FBXL17: variants seen among roughly 807,000 people sequenced by gnomAD.
FBXL17 encodes the protein F-box and leucine rich repeat protein 17, also known as F-box/LRR-repeat protein 17.
A neutral mutation model predicts 66.2 loss-of-function variants in FBXL17; 22 were observed. That is an observed-to-expected ratio of 0.33 (90% CI 0.24 to 0.47). The LOEUF is 0.47. FBXL17 is among the 20% of genes least tolerant of loss of function. FBXL17 has a pLI of 1.00. For synonymous variants in FBXL17, 474 were observed against 400.5 expected, an observed-to-expected ratio of 1.18 and a Z score of -2.19; for missense variants, 878 against 948.2, an observed-to-expected ratio of 0.93 and a Z score of 0.97.
chr5:108,339,083 T>A (rs1746707240), intron 4 of FBXL17, among the ~76,000 whole-genome samples: 1 of 152,128 alleles, frequency 6.6e-6, no homozygotes, highest in Non-Finnish European at 1.5e-5. Context: ...GAAGCCAGAT[T>A]CAACTACAGT....
At chr5:108,036,109 T>C (rs573688821) in intron 6 of FBXL17, among the ~76,000 whole-genome samples, 5 of 152,194 alleles carry the variant, frequency 3.3e-5, no homozygotes, top group Non-Finnish European at 7.3e-5. Context: ...CCAGTCTATT[T>C]TCCTGTTTTA....
At chr5:108,052,112 C>CAAAAAAAAAAAAAAAAAAAA (rs144705189) in intron 6 of FBXL17, among the ~76,000 whole-genome samples, 6 of 102,190 alleles carry the variant, frequency 5.9e-5, no homozygotes, top group South Asian at 3.7e-4. Context: ...GACTTCGTCT[C>CAAAAAAAAAAAAAAAAAAAA]AAAAAAAAAA....
chr5:108,008,750 A>G (rs1276046242), intron 7 of FBXL17, among the ~76,000 whole-genome samples: 3 of 152,116 alleles, frequency 2.0e-5, no homozygotes, highest in African/African-American at 7.2e-5. Context: ...CCTGCTCCTC[A>G]GAACACCAGA....
intron 6 of FBXL17, among the ~76,000 whole-genome samples, chr5:108,064,243 A>T (rs1395015071): frequency 6.6e-6 from 1 of 150,528 alleles, no homozygotes; most frequent in African/African-American, 2.5e-5. Context: ...GTTATTCTGC[A>T]TAAAGATAAT....
At chr5:108,344,134 T>C (rs958976189) in intron 4 of FBXL17, among the ~76,000 whole-genome samples, 5 of 151,964 alleles carry the variant, frequency 3.3e-5, no homozygotes, top group Non-Finnish European at 7.4e-5. Context: ...AACTCAAAAA[T>C]GGCGTTTGCC....
At chr5:108,211,063 A>G (rs1192733839) in intron 5 of FBXL17, among the ~76,000 whole-genome samples, 1 of 152,162 alleles carries the variant, frequency 6.6e-6, no homozygotes, top group Non-Finnish European at 1.5e-5. Flanking sequence ...ACCATTATGC[A>G]ATGCCCTTCT....
intron 4 of FBXL17, among the ~76,000 whole-genome samples, chr5:108,329,945 T>C (rs560301394): frequency 6.6e-6 from 1 of 152,208 alleles, no homozygotes; most frequent in East Asian, 1.9e-4. Context: ...TCCTATTAGT[T>C]AAAAGTTACT....
intron 4 of FBXL17, chr5:108,298,410 A>G (rs1399625852): frequency 1.0e-6 from 1 of 978,982 alleles, no homozygotes; most frequent in Non-Finnish European, 1.2e-6. Context: ...CAATAAATCA[A>G]GACAATCATA....
intron 4 of FBXL17, among the ~76,000 whole-genome samples, chr5:108,338,467 G>A (rs905392805): frequency 1.3e-5 from 2 of 151,986 alleles, no homozygotes; most frequent in Non-Finnish European, 2.9e-5. Flanking sequence ...ATCAAAAATA[G>A]CCAATAAAGA....
intron 4 of FBXL17, among the ~76,000 whole-genome samples, chr5:108,323,265 T>TAA (rs1018845352): frequency 6.9e-6 from 1 of 145,488 alleles, no homozygotes; most frequent in African/African-American, 2.5e-5. Context: ...AGTTGTAGAA[T>TAA]AAAAAAAAAA....
chr5:108,229,240 G>A (rs568193729), intron 4 of FBXL17, among the ~76,000 whole-genome samples: 7 of 152,032 alleles, frequency 4.6e-5, no homozygotes, highest in Admixed American at 1.3e-4. Context: ...AAAAGAGCAC[G>A]CATAGCCAAA....
At chr5:107,972,382 G>T (rs1233168623) in intron 7 of FBXL17, among the ~76,000 whole-genome samples, 2 of 152,050 alleles carry the variant, frequency 1.3e-5, no homozygotes, top group Non-Finnish European at 2.9e-5. Flanking sequence ...TCCTCAAGAG[G>T]TTGTCTGGCT....
intron 6 of FBXL17, among the ~76,000 whole-genome samples, chr5:108,177,930 T>TACAC (rs1282357336): frequency 1.6e-5 from 2 of 124,926 alleles, no homozygotes; most frequent in Non-Finnish European, 3.6e-5. Flanking sequence ...TATATATATA[T>TACAC]ATACACACAC....
chr5:108,365,021 A>T (rs781583805), intron 2 of FBXL17, 26 bp from the exon 3 acceptor site: 1 of 1,551,880 alleles, frequency 6.4e-7, no homozygotes, highest in Admixed American at 2.0e-5. Flanking sequence ...CAATAAATTT[A>T]AACTTTTGCT....
intron 4 of FBXL17, among the ~76,000 whole-genome samples, chr5:108,332,941 C>CAAAAAAAAAAAAAAAAAAAAAA (rs34218940): frequency 2.6e-4 from 9 of 34,764 alleles, no homozygotes; most frequent in Admixed American, 4.4e-4. Flanking sequence ...AAAGCAAAAG[C>CAAAAAAAAAAAAAAAAAAAAAA]AAAAAAAAAA....
chr5:107,892,854 C>A (rs1236749602), intron 7 of FBXL17, among the ~76,000 whole-genome samples: 1 of 152,062 alleles, frequency 6.6e-6, no homozygotes, highest in Non-Finnish European at 1.5e-5. Flanking sequence ...TTAAGAAAGG[C>A]AAAGGAAACA....
chr5:107,892,982 C>A (rs975755409), intron 7 of FBXL17, among the ~76,000 whole-genome samples: 1 of 152,162 alleles, frequency 6.6e-6, no homozygotes, highest in African/African-American at 2.4e-5. Context: ...ATCTTCCTAT[C>A]AATGGCCTCT....
At chr5:107,972,457 T>A (rs979899621) in intron 7 of FBXL17, among the ~76,000 whole-genome samples, 1 of 152,198 alleles carries the variant, frequency 6.6e-6, no homozygotes, top group African/African-American at 2.4e-5. Flanking sequence ...ATTTTAAACA[T>A]CTTCAAAGTC....
chr5:108,211,370 G>A (rs1561466943), intron 5 of FBXL17, among the ~76,000 whole-genome samples: 1 of 152,290 alleles, frequency 6.6e-6, no homozygotes, highest in East Asian at 1.9e-4. Context: ...CTGTCATTAT[G>A]ATGCTAGCTG....
Sources: gnomAD v4.1 joint callset for allele counts (sites outside exome capture counted in the v4.1 genomes callset) on GRCh38, gnomAD v4.1.1 for gene constraint, MANE v1.5 for transcripts, NCBI Gene and HGNC (gene_info 2026-07-23, HGNC 2026-07-21) for gene names.